Variants in IFT122 observed in about 807,000 individuals in gnomAD.
The protein encoded by IFT122 is intraflagellar transport 122, also known as intraflagellar transport protein 122 homolog.
In IFT122, 118 loss-of-function variants were observed where a neutral mutation model predicts 161.6. That is an observed-to-expected ratio of 0.73 (90% CI 0.63 to 0.85). IFT122 has a LOEUF of 0.85. Among genes scored for constraint, IFT122 ranks in the 40% least tolerant of loss-of-function variants. The pLI, the probability that IFT122 is intolerant of heterozygous loss-of-function variation, is 0.00. For synonymous variants in IFT122, 550 were observed against 602.4 expected (o/e 0.91, Z 1.27); for missense variants, 1,381 against 1,579.6 (o/e 0.87, Z 2.13).
chr3:129,463,258 GACACA>G, intron 5 of IFT122: 1 of 351,494 alleles, frequency 2.8e-6, no homozygotes, highest in Non-Finnish European at 5.5e-6. Flanking sequence ...CCATCAGCGT[GACACA>G]GAACTAAGCC....
Position 129,502,756 on chromosome 3 carries a change from C to CCTG in IFT122, c.2428_2430dup (p.Leu810dup). 1 of 1,611,918 alleles carries CCTG rather than the reference C, an allele frequency of 6.2e-7. No homozygotes were observed. The highest frequency in any genetic ancestry group is 8.5e-7 in the Non-Finnish European group (1 of 1,180,030). Reference sequence around the variant, plus strand: ...AACTGGACAAGGCTGAGCGCGAGCCCCTGCTGCTGTGCGCTACCTACCTCA... The same window carrying CCTG: ...AACTGGACAAGGCTGAGCGCGAGCCCCTGCTGCTGCTGTGCGCTACCTACCTCA... On this transcript the variant is annotated inframe_insertion, in exon 20 of 30. Transcript: ENST00000348417.
intron 3 of IFT122, among the ~76,000 whole-genome samples, chr3:129,456,915 CA>C (rs949851553): frequency 6.6e-6 from 1 of 151,270 alleles, no homozygotes; most frequent in East Asian, 1.9e-4. Context: ...GACTTAGTCT[CA>C]AAAAAAAGGT....
chr3:129,487,165 A>G lies in IFT122; in HGVS notation c.1852-1092A>G, dbSNP rs541487000. Among the ~76,000 whole-genome samples the G allele has an allele frequency of 4.6e-5, 7 of 152,388 alleles. No homozygotes were observed. In the South Asian group the frequency reaches 1.4e-3, roughly 32 times the overall value. On this transcript the variant is annotated intron_variant, in intron 15 of 29. Coordinates refer to ENST00000348417, the MANE Select transcript of IFT122 (RefSeq NM_052989.3). The stretch of plus-strand genomic sequence containing the variant: ...CCTGGCTGATTTCTCTTCCCTGCCC[A>G]GGAAGCCAGGAGAGATGCAGGCCAC...
intron 1 of IFT122, among the ~76,000 whole-genome samples, chr3:129,442,124 C>G (rs556926471): frequency 6.6e-6 from 1 of 152,116 alleles, no homozygotes; most frequent in Non-Finnish European, 1.5e-5. Context: ...CCGTGTGGGC[C>G]AAATAAAACA....
chr3:129,440,313 G>C lies in IFT122; in HGVS notation c.-18G>C. On this transcript the variant is annotated 5_prime_UTR_variant, in exon 1 of 30. Transcript: ENST00000348417. ...GCTGAGGCGGGTAGGAGGAGCCCGA[G>C]CCGTAAGGGAAGCCGTGATGAGGGC... The C allele has an allele frequency of 1.3e-6, 2 of 1,550,640 alleles. No homozygotes were observed. The highest frequency in any genetic ancestry group is 1.7e-6 in the Non-Finnish European group (2 of 1,146,838).
chr3:129,493,477 A>C (rs2108462015), intron 17 of IFT122, among the ~76,000 whole-genome samples: 1 of 152,336 alleles, frequency 6.6e-6, no homozygotes, highest in Middle Eastern at 3.4e-3. Flanking sequence ...TGAATGAGGC[A>C]GGTACTGTTG....
chr3:129,519,029 C>G (rs567018522), intron 27 of IFT122, 78 bp from the exon 28 acceptor site: 141 of 1,262,530 alleles, frequency 1.1e-4, no homozygotes, highest in Non-Finnish European at 1.4e-4. Context: ...CTTGAGTCTT[C>G]TCACAGGGGT....
chr3:129,485,948 G>A (rs1023024260), intron 15 of IFT122, among the ~76,000 whole-genome samples: 1 of 152,248 alleles, frequency 6.6e-6, no homozygotes, highest in African/African-American at 2.4e-5. Flanking sequence ...CCCAGTCTTG[G>A]AATTTTTGGT....
At position 129,485,356 on chromosome 3, in the gene IFT122, C is replaced by T. The variant is rs553379041; in HGVS notation, c.1851+1674C>T. ...ACTTCTTCTAAGTTGATGATACCCT[C>T]GAAACTCATGACTGCAAGACTTACT... On this transcript the variant is annotated intron_variant, in intron 15 of 29. Transcript: ENST00000348417. 2.4e-4 allele frequency among the ~76,000 whole-genome samples: 37 copies of T among 152,288 alleles called. No homozygotes were observed. In the South Asian group the frequency reaches 7.1e-3, roughly 29 times the overall value.
intron 1 of IFT122, 27 bp downstream of exon 1, chr3:129,440,398 G>A: frequency 6.5e-7 from 1 of 1,549,924 alleles, no homozygotes; most frequent in Non-Finnish European, 8.7e-7. Context: ...TTCGCGAAGA[G>A]CAGGAGGTCG....
At position 129,519,613 on chromosome 3, in the gene IFT122, C is replaced by T; in HGVS notation, c.3517C>T (p.Leu1173=). 1 of 1,613,634 alleles carries T rather than the reference C, an allele frequency of 6.2e-7. No individual in the cohort carries two copies. Among genetic ancestry groups the T allele is most frequent in the Non-Finnish European group, 8.5e-7 (1 of 1,180,024 alleles). The change falls in exon 29 of 30, where the codon CTG becomes TTG. Residue 1173 remains leucine, a synonymous_variant. Coordinates refer to ENST00000348417, the MANE Select transcript of IFT122 (RefSeq NM_052989.3). ...FVPVVVSRLV[L]RSMSRRDVLI... ...GCCAGTGGTGGTGAGCCGGCTGGTGCTGCGCTCCATGAGCCGCCGGGATGT... is the reference window on the plus strand; with the variant it reads ...GCCAGTGGTGGTGAGCCGGCTGGTGTTGCGCTCCATGAGCCGCCGGGATGT...
chr3:129,480,305 C>T (rs565219340), intron 13 of IFT122, among the ~76,000 whole-genome samples: 16 of 152,174 alleles, frequency 1.1e-4, no homozygotes, highest in Admixed American at 2.6e-4. Flanking sequence ...TAAGGCAGTG[C>T]GTTCCAGCAT....
intron 3 of IFT122, among the ~76,000 whole-genome samples, chr3:129,453,231 G>A (rs985563341): frequency 2.0e-5 from 3 of 152,116 alleles, no homozygotes; most frequent in South Asian, 2.1e-4. Flanking sequence ...AACTGCAGAG[G>A]CCAGCAGATG....
At chr3:129,469,470 T>C in intron 9 of IFT122, 53 bp downstream of exon 9, 1 of 1,346,824 alleles carries the variant, frequency 7.4e-7, no homozygotes, top group South Asian at 1.2e-5. Context: ...TATTTTCATT[T>C]TCTGAGATTC....
chr3:129,504,277 C>T lies in IFT122; in HGVS notation c.2548-42C>T, dbSNP rs765976877. On this transcript the variant is annotated intron_variant, in intron 20 of 29. Transcript: ENST00000348417. ...AAGTACAGTGTTTTCATGGGGGCTGCAGGGGCAGCTTTATTAAGACTTCAT... is the reference window on the plus strand; with the variant it reads ...AAGTACAGTGTTTTCATGGGGGCTGTAGGGGCAGCTTTATTAAGACTTCAT... 15 of 1,493,368 alleles carry T rather than the reference C, an allele frequency of 1.0e-5. 1 individual carries two copies. The Admixed American group carries it at 2.5e-4, about 25-fold the overall frequency. The allele number at this position is 1,493,368 out of a possible 1,614,324, so 92.5% of individuals were successfully genotyped here.
In IFT122 at chr3:129,478,167, G is replaced by A; in HGVS notation, c.1299G>A (p.Lys433=). The change falls in exon 12 of 30, where the codon AAG becomes AAA. Residue 433 remains lysine (K), a synonymous_variant. Coordinates refer to ENST00000348417, the MANE Select transcript of IFT122 (RefSeq NM_052989.3). The part of the protein sequence containing the change: ...HYRVKEKIIK[K]FECNLLVVCA... ...GGGTAAAGGAGAAGATTATCAAGAA[G>A]TTTGAGTGCAACCTCCTGGTGGTGT... 6.2e-7 allele frequency: 1 copy of A among 1,614,188 alleles called. No homozygotes were observed. The highest frequency in any genetic ancestry group is 8.5e-7 in the Non-Finnish European group (1 of 1,180,034).
At chr3:129,498,406 G>A (rs542493464) in intron 18 of IFT122, among the ~76,000 whole-genome samples, 4 of 152,286 alleles carry the variant, frequency 2.6e-5, no homozygotes, top group South Asian at 4.1e-4. Flanking sequence ...GAGAATCCGC[G>A]CCATAGCAGC....
intron 3 of IFT122, among the ~76,000 whole-genome samples, chr3:129,454,123 C>T (rs1416969481): frequency 4.6e-5 from 7 of 152,164 alleles, no homozygotes; most frequent in Non-Finnish European, 1.0e-4. Context: ...CTTTAGACCA[C>T]TTTCTAGAAA....
rs1163460795 is a variant in IFT122, at chr3:129,479,793, G to C, written c.1359G>C (p.Arg453=). Residue 453 remains arginine (R), a synonymous_variant, in exon 13 of 30, where the codon CGG becomes CGC. Coordinates refer to ENST00000348417, the MANE Select transcript of IFT122 (RefSeq NM_052989.3). ...CTGGGTTTGCTTCCTAGGAGAAACG[G>C]CTGCAGTGCCTGTCCTTCAGCGGAG... ...ANHIILCQEK[R]LQCLSFSGVK... The C allele has an allele frequency of 1.2e-6, 2 of 1,613,900 alleles. No individual in the cohort carries two copies. The highest frequency in any genetic ancestry group is 1.7e-6 in the Non-Finnish European group (2 of 1,180,044).
Sources: gnomAD v4.1 joint callset for allele counts (sites outside exome capture counted in the v4.1 genomes callset) on GRCh38, gnomAD v4.1.1 for gene constraint, MANE v1.5 for transcripts, NCBI Gene and HGNC (gene_info 2026-07-23, HGNC 2026-07-21) for gene names.